BICDL2: variants seen among roughly 807,000 people sequenced by gnomAD.
BICDL2 encodes the protein BICD family-like cargo adapter 2.
BICDL2 carries 62 observed loss-of-function variants against 56.6 expected under a neutral mutation model. The observed-to-expected ratio is 1.10, with a 90% CI of 0.89 to 1.35. The LOEUF (loss-of-function observed/expected upper bound fraction) is 1.35. Ranked by LOEUF, BICDL2 falls within the 40% of genes most tolerant of loss-of-function variation. BICDL2 has a pLI of 0.00. For synonymous variants in BICDL2, 358 were observed against 319.8 expected (o/e 1.12, Z -1.27); for missense variants, 808 against 684.5 (o/e 1.18, Z -2.01).
At position 3,035,461 on chromosome 16, in the gene BICDL2, C is replaced by G. The variant is rs1955721915; in HGVS notation, c.36G>C (p.Gly12=). The G allele has an allele frequency of 3.7e-6, 6 of 1,611,706 alleles. No individual in the cohort carries two copies. The highest frequency in any genetic ancestry group is 5.1e-6 in the Non-Finnish European group (6 of 1,179,734). ...TGGGAGAGGCGCCCCCTGAGAGCGGCCCGGACGGGAAGCTGGGCCCATCTG... is the reference window on the plus strand; with the variant it reads ...TGGGAGAGGCGCCCCCTGAGAGCGGGCCGGACGGGAAGCTGGGCCCATCTG... The part of the protein sequence containing the change: ...SSPDGPSFPS[G]PLSGGASPSG... The change falls in exon 2 of 10, where the codon GGG becomes GGC. Residue 12 remains glycine (G), a synonymous_variant. Transcript: ENST00000572449.
chr16:3,036,577 A>C (rs1955735867), intron 1 of BICDL2: 1 of 446,670 alleles, frequency 2.2e-6, no homozygotes, highest in African/African-American at 2.1e-5. Flanking sequence ...GCTCCCGGGG[A>C]CCTCCCTGAC....
chr16:3,029,573 T>G lies in BICDL2; in HGVS notation c.929A>C (p.Gln310Pro). ...AHSLDDGDQG[Q>P]GADAPGDTPT... is the part of the protein sequence containing the mutation. ...GGTGTCTCCGGGTGCGTCGGCGCCC[T>G]GGCCCTGGTCGCCGTCGTCGAGGCT... is the stretch of plus-strand genomic sequence containing the variant. The change falls in exon 6 of 10, where the codon CAG (glutamine) becomes CCG (proline). Residue 310 changes from glutamine to proline, a missense_variant. Transcript: ENST00000572449. 3.9e-6 allele frequency: 6 copies of G among 1,546,338 alleles called. No individual in the cohort carries two copies. Among genetic ancestry groups the G allele is most frequent in the Non-Finnish European group, 5.2e-6 (6 of 1,150,166 alleles).
intron 1 of BICDL2, 137 bp from the exon 2 acceptor site, chr16:3,035,663 CTG>C (rs1275587891): frequency 2.3e-5 from 17 of 747,136 alleles, no homozygotes; most frequent in Non-Finnish European, 3.0e-5. Flanking sequence ...GGTTAATGAC[CTG>C]TGTTTTGGCT....
chr16:3,035,176 T>TTGGCCCGGGGGGGGGGGGGGG, intron 2 of BICDL2, 39 bp downstream of exon 2: 23 of 136,268 alleles, frequency 1.7e-4, no homozygotes, highest in Non-Finnish European at 3.0e-4. Flanking sequence ...CGTCCTCCCC[T>TTGGCCCGGGGGGGGGGGGGGG]GCCCACCCAC....
At position 3,029,269 on chromosome 16, in the gene BICDL2, C is replaced by G; in HGVS notation, c.1107+11G>C. 1.9e-6 allele frequency: 3 copies of G among 1,608,810 alleles called. No homozygotes were observed. Among genetic ancestry groups the G allele is most frequent in the Non-Finnish European group, 2.5e-6 (3 of 1,178,338 alleles). ...GGGGCCGTGCATCCAGCACCGTGCC[C>G]TCTGCCCCACCTCATCTTGCAGCTT... On this transcript the variant is annotated intron_variant, in intron 7 of 9. Transcript: ENST00000572449.
In BICDL2 at chr16:3,030,718, C is replaced by G. The variant is rs200004706; in HGVS notation, c.593G>C (p.Arg198Pro). 3.7e-6 allele frequency: 6 copies of G among 1,612,234 alleles called. No homozygotes were observed. The highest frequency in any genetic ancestry group is 3.3e-5 in the Admixed American group (2 of 59,964). The change falls in exon 4 of 10, where the codon CGG (arginine) becomes CCG (proline). Residue 198 changes from arginine to proline, a missense_variant. By Grantham distance (103) the Arg-to-Pro change is moderately radical. Coordinates refer to ENST00000572449, the MANE Select transcript of BICDL2 (RefSeq NM_001369667.1). ...CACTTCCCCCTGCAGACTCTCCAGCCGCGTCCTCAGCTCTGCTCCAGCCAG... is the reference window on the plus strand; with the variant it reads ...CACTTCCCCCTGCAGACTCTCCAGCGGCGTCCTCAGCTCTGCTCCAGCCAG... Reference protein sequence around the residue: ...QALAGAELRTRLESLQGENQM... With the variant: ...QALAGAELRTPLESLQGENQM...
intron 7 of BICDL2, 107 bp downstream of exon 7, chr16:3,029,173 G>A: frequency 3.6e-6 from 5 of 1,404,626 alleles, no homozygotes; most frequent in African/African-American, 1.4e-5. Context: ...GATGAAAGCC[G>A]ATCCAGGTAT....
Position 3,031,158 on chromosome 16 carries a change from G to A in BICDL2, c.283-8C>T. 2 of 1,534,370 alleles carry A rather than the reference G, an allele frequency of 1.3e-6. No individual in the cohort carries two copies. The highest frequency in any genetic ancestry group is 1.7e-6 in the Non-Finnish European group (2 of 1,145,998). Reference sequence around the variant, plus strand: ...GTTCTCCTGCTGGAGCCGCTGTGGGGGCCAGGGCAGAGGGACAGAGGCAGA... The same window carrying A: ...GTTCTCCTGCTGGAGCCGCTGTGGGAGCCAGGGCAGAGGGACAGAGGCAGA... On this transcript the variant is annotated splice_region_variant and splice_polypyrimidine_tract_variant and intron_variant, in intron 2 of 9. Coordinates refer to ENST00000572449, the MANE Select transcript of BICDL2 (RefSeq NM_001369667.1).
Position 3,028,028 on chromosome 16 carries a change from C to G in BICDL2, c.*78G>C. On this transcript the variant is annotated 3_prime_UTR_variant, in exon 10 of 10. Coordinates refer to ENST00000572449, the MANE Select transcript of BICDL2 (RefSeq NM_001369667.1). The stretch of plus-strand genomic sequence containing the variant: ...GCATCAGCTTCTTTTGGAAGACAAT[C>G]TGGGCCCTGTCGCTCCATTGGCCTG... 2 of 1,384,548 alleles carry G rather than the reference C, an allele frequency of 1.4e-6. No homozygotes were observed. Among genetic ancestry groups the G allele is most frequent in the Middle Eastern group, 1.9e-4 (1 of 5,164 alleles). The allele number at this position is 1,384,548 out of a possible 1,614,324, so 85.8% of individuals were successfully genotyped here.
chr16:3,034,482 A>G (rs762815133), intron 2 of BICDL2, among the ~76,000 whole-genome samples: 8 of 151,976 alleles, frequency 5.3e-5, no homozygotes, highest in Non-Finnish European at 1.2e-4. Flanking sequence ...GGGTTTCACC[A>G]TGTTGGCCAG....
At chr16:3,036,033 T>G in intron 1 of BICDL2, 1 of 324,646 alleles carries the variant, frequency 3.1e-6, no homozygotes, top group South Asian at 2.4e-5. Context: ...TCCCAGCCCC[T>G]GACCTCCCGG....
At chr16:3,034,181 G>A (rs145593173) in intron 2 of BICDL2, among the ~76,000 whole-genome samples, 1,866 of 152,330 alleles carry the variant, frequency 0.012, 111 homozygotes, top group Admixed American at 0.097. Flanking sequence ...CATGACTGTC[G>A]CCTGGTGTTC....
Position 3,031,048 on chromosome 16 carries a change from G to C in BICDL2, c.385C>G (p.Arg129Gly). Residue 129 changes from arginine to glycine, a missense_variant, in exon 3 of 10, where the codon CGG becomes GGG. Coordinates refer to ENST00000572449, the MANE Select transcript of BICDL2 (RefSeq NM_001369667.1). ...VELEGDVEAL[R>G]AQLGEQRSEQ... ...GAGCGCTGCTCCCCAAGCTGGGCCC[G>C]CAGGGCCTCCACGTCCCCCTCCAGC... 6.5e-7 allele frequency: 1 copy of C among 1,540,148 alleles called. No individual in the cohort carries two copies. Among genetic ancestry groups the C allele is most frequent in the Non-Finnish European group, 8.7e-7 (1 of 1,148,300 alleles).
chr16:3,028,656 G>A lies in BICDL2; in HGVS notation c.1238+44C>T, dbSNP rs545588415. On this transcript the variant is annotated intron_variant, in intron 8 of 9. Transcript: ENST00000572449. The stretch of plus-strand genomic sequence containing the variant: ...AGAAGAGGAATCAGGAGCCCAGGAG[G>A]GCCCAGAGGGCGCTGGGGCGGTGGT... The A allele has an allele frequency of 2.8e-4, 435 of 1,549,826 alleles. 1 individual carries two copies. Among genetic ancestry groups the A allele is most frequent in the Admixed American group, 2.4e-3 (122 of 49,936 alleles).
At position 3,036,898 on chromosome 16, in the gene BICDL2, A is replaced by AGCC. The variant is rs1404268774; in HGVS notation, c.-38_-36dup. ...CGGCGTCCCCCAGGCTCTCACCCGA[A>AGCC]GCCGCCGGGCTCCCTCCGAGGTCCC... is the stretch of plus-strand genomic sequence containing the variant. On this transcript the variant is annotated 5_prime_UTR_variant, in exon 1 of 10. Transcript: ENST00000572449. The AGCC allele has an allele frequency of 3.8e-6, 1 of 261,056 alleles. No homozygotes were observed. The highest frequency in any genetic ancestry group is 5.9e-5 in the Admixed American group (1 of 17,084). 16.2% of individuals were successfully genotyped at this position (261,056 alleles called of 1,614,324 possible).
rs757560316 is a variant in BICDL2, at chr16:3,028,415, A to G, written c.1292T>C (p.Leu431Pro). 1.3e-5 allele frequency: 21 copies of G among 1,557,938 alleles called. No homozygotes were observed. The highest frequency in any genetic ancestry group is 2.3e-5 in the East Asian group (1 of 42,646). Reference sequence around the variant, plus strand: ...GATGGCGCGCAGCAGCTCCCGAGACAGGGAGTCTCGCTCCAGCGAGACGCG... The same window carrying G: ...GATGGCGCGCAGCAGCTCCCGAGACGGGGAGTCTCGCTCCAGCGAGACGCG... The part of the protein sequence containing the change: ...LNRVSLERDS[L>P]SRELLRAIRQ... The change falls in exon 9 of 10, where the codon CTG (leucine) becomes CCG (proline). Residue 431 changes from leucine to proline, a missense_variant. Leu to Pro is a moderately conservative substitution (Grantham distance 98). Transcript: ENST00000572449.
intron 9 of BICDL2, 28 bp downstream of exon 9, chr16:3,028,320 C>A: frequency 6.5e-7 from 1 of 1,542,952 alleles, no homozygotes; most frequent in Non-Finnish European, 8.7e-7. Context: ...CCCCTTGCCC[C>A]GCCCCGCACA....
chr16:3,031,368 G>C, intron 2 of BICDL2: 1 of 582,556 alleles, frequency 1.7e-6, no homozygotes. Flanking sequence ...GCGTGGGCCC[G>C]GGGCAAGGGT....
chr16:3,030,070 C>T (rs918525111), intron 5 of BICDL2: 8 of 462,298 alleles, frequency 1.7e-5, no homozygotes, highest in South Asian at 1.4e-4. Flanking sequence ...GAAGGGGCAC[C>T]GGGATGCGAA....
Sources: gnomAD v4.1 joint callset for allele counts (sites outside exome capture counted in the v4.1 genomes callset) on GRCh38, gnomAD v4.1.1 for gene constraint, MANE v1.5 for transcripts, NCBI Gene and HGNC (gene_info 2026-07-23, HGNC 2026-07-21) for gene names.